The following ATP8B1 variants were observed in gnomAD, a reference collection of about 807,000 sequenced individuals.
ATP8B1 encodes the protein phospholipid-transporting ATPase IC.
In ATP8B1, 80 loss-of-function variants were observed where a neutral mutation model predicts 149.9. That is an observed-to-expected ratio of 0.53 (90% CI 0.45 to 0.64). The LOEUF (loss-of-function observed/expected upper bound fraction) is 0.64. Among genes scored for constraint, ATP8B1 ranks in the 30% least tolerant of loss-of-function variants. The pLI is 0.00. For synonymous variants in ATP8B1, 536 were observed against 562.8 expected (o/e 0.95, Z 0.67); for missense variants, 1,247 against 1,552.6 (o/e 0.80, Z 3.31).
chr18:57,683,362 A>G (rs1381479145), intron 15 of ATP8B1, among the ~76,000 whole-genome samples: 1 of 152,230 alleles, frequency 6.6e-6, no homozygotes, highest in East Asian at 1.9e-4. Context: ...ATGTGTGTCT[A>G]TATAATTTAT....
chr18:57,704,177 AG>A (rs1277688239), intron 4 of ATP8B1, among the ~76,000 whole-genome samples: 1 of 152,194 alleles, frequency 6.6e-6, no homozygotes, highest in African/African-American at 2.4e-5. Flanking sequence ...CATGTTAGCC[AG>A]GGTGGTCTGG....
At chr18:57,797,399 G>C (rs563244051) in intron 1 of ATP8B1, among the ~76,000 whole-genome samples, 3 of 152,190 alleles carry the variant, frequency 2.0e-5, no homozygotes, top group Non-Finnish European at 4.4e-5. Flanking sequence ...TCTCAATCAC[G>C]CTGTGGGGGA....
At chr18:57,747,453 C>CAA (rs35857076) in intron 1 of ATP8B1, among the ~76,000 whole-genome samples, 10 of 136,120 alleles carry the variant, frequency 7.3e-5, no homozygotes, top group African/African-American at 2.4e-4. Context: ...AACTCTATCT[C>CAA]AAAAAAAAAA....
chr18:57,782,801 C>CTTT (rs1337164844), intron 1 of ATP8B1, among the ~76,000 whole-genome samples: 2 of 63,028 alleles, frequency 3.2e-5, no homozygotes, highest in African/African-American at 6.9e-5. Flanking sequence ...TCTAGTTTGT[C>CTTT]TCTTTTTTTT....
intron 6 of ATP8B1, among the ~76,000 whole-genome samples, chr18:57,699,583 G>A (rs1599130074): frequency 6.6e-6 from 1 of 152,256 alleles, no homozygotes; most frequent in South Asian, 2.1e-4. Flanking sequence ...AATTAGCCAG[G>A]TGCAGTGGCG....
chr18:57,655,450 A>G, intron 22 of ATP8B1, 33 bp from the exon 23 acceptor site: 1 of 1,591,200 alleles, frequency 6.3e-7, no homozygotes, highest in African/African-American at 1.3e-5. Flanking sequence ...ACTGTGGATC[A>G]TAAACCGATT....
At chr18:57,786,756 C>T (rs6566900) in intron 1 of ATP8B1, among the ~76,000 whole-genome samples, 3,100 of 152,336 alleles carry the variant, frequency 0.02, 110 homozygotes, top group African/African-American at 0.069. Flanking sequence ...GCTGGGATTA[C>T]AGGCGTGAGC....
intron 1 of ATP8B1, among the ~76,000 whole-genome samples, chr18:57,799,895 G>A (rs1022963691): frequency 1.3e-5 from 2 of 152,104 alleles, no homozygotes; most frequent in Non-Finnish European, 2.9e-5. Flanking sequence ...AGCTGGGCAT[G>A]GGAATGGGGA....
At position 57,684,093 on chromosome 18, in the gene ATP8B1, G is replaced by C. The variant is rs770257115; in HGVS notation, c.1573C>G (p.Arg525Gly). The C allele has an allele frequency of 6.2e-7, 1 of 1,614,094 alleles. No individual in the cohort carries two copies. Among genetic ancestry groups the C allele is most frequent in the Non-Finnish European group, 8.5e-7 (1 of 1,180,020 alleles). ...QIQSGKEPEV[R>G]QFFFLLAVCH... ...ACTGCGAGCAAGAAGAAGAACTGTC[G>C]TACTTCTGGCTCTTTCCCTGACTGG... The change falls in exon 15 of 28, where the codon CGA becomes GGA. Residue 525 changes from arginine (R) to glycine (G), a missense_variant. Coordinates refer to ENST00000648908, the MANE Select transcript of ATP8B1 (RefSeq NM_001374385.1).
chr18:57,798,042 G>A (rs1409847575), intron 1 of ATP8B1, among the ~76,000 whole-genome samples: 1 of 152,038 alleles, frequency 6.6e-6, no homozygotes, highest in Non-Finnish European at 1.5e-5. Context: ...ACCCAACTCA[G>A]GCCCTCTGTG....
At chr18:57,683,189 A>C (rs941841356) in intron 15 of ATP8B1, among the ~76,000 whole-genome samples, 3 of 152,190 alleles carry the variant, frequency 2.0e-5, no homozygotes, top group Non-Finnish European at 4.4e-5. Context: ...TACATATGAA[A>C]CATTAAGGTT....
intron 1 of ATP8B1, among the ~76,000 whole-genome samples, chr18:57,735,967 G>GCCCCCCCCCCCCC (rs59140378): frequency 5.2e-5 from 7 of 134,336 alleles, no homozygotes; most frequent in African/African-American, 1.4e-4. Flanking sequence ...CCCATTCCTT[G>GCCCCCCCCCCCCC]CCCCCCCCAC....
chr18:57,653,460 T>C (rs952227359), intron 24 of ATP8B1, among the ~76,000 whole-genome samples: 1 of 151,724 alleles, frequency 6.6e-6, no homozygotes, highest in Admixed American at 6.6e-5. Context: ...AATTTTTAAA[T>C]TTTTCTGTAG....
chr18:57,698,348 T>A (rs1481278321), intron 6 of ATP8B1, among the ~76,000 whole-genome samples: 1 of 121,406 alleles, frequency 8.2e-6, no homozygotes, highest in Non-Finnish European at 1.6e-5. Flanking sequence ...TATTTATTAA[T>A]TTTTTTTTTC....
intron 11 of ATP8B1, among the ~76,000 whole-genome samples, chr18:57,692,950 C>T (rs1209330905): frequency 6.6e-6 from 1 of 152,094 alleles, no homozygotes; most frequent in Non-Finnish European, 1.5e-5. Context: ...ATAAAATTTC[C>T]AGAGACAAAT....
rs183506235 is a variant in ATP8B1 at position 57,659,376 on chromosome 18, A to G, written c.2707+1798T>C. On this transcript the variant is annotated intron_variant, in intron 22 of 27. Coordinates refer to ENST00000648908, the MANE Select transcript of ATP8B1 (RefSeq NM_001374385.1). Reference sequence around the variant, plus strand: ...AGATTATCTACATTGACTTTGTGCAATCCCTCTCATTATGTATTGGTGAAC... The same window carrying G: ...AGATTATCTACATTGACTTTGTGCAGTCCCTCTCATTATGTATTGGTGAAC... Among the ~76,000 whole-genome samples, 15 of 152,276 alleles carry G rather than the reference A, an allele frequency of 9.9e-5. 1 individual carries two copies. In the East Asian group the frequency reaches 2.5e-3, roughly 25 times the overall value.
At chr18:57,750,917 G>A (rs185180337) in intron 1 of ATP8B1, among the ~76,000 whole-genome samples, 12 of 152,104 alleles carry the variant, frequency 7.9e-5, no homozygotes, top group African/African-American at 1.9e-4. Context: ...CCAGGACTTC[G>A]AGACCAGCCT....
At chr18:57,676,318 C>T (rs1389971173) in intron 15 of ATP8B1, among the ~76,000 whole-genome samples, 3 of 151,806 alleles carry the variant, frequency 2.0e-5, no homozygotes, top group African/African-American at 7.3e-5. Flanking sequence ...CACATCACCA[C>T]GCCCAGCTAA....
intron 14 of ATP8B1, 22 bp from the exon 15 acceptor site, chr18:57,684,214 A>G (rs1912123352): frequency 6.2e-7 from 1 of 1,606,850 alleles, no homozygotes; most frequent in Non-Finnish European, 8.5e-7. Context: ...GGAGAAAAAC[A>G]AAATATGATT....
Sources: gnomAD v4.1 joint callset for allele counts (sites outside exome capture counted in the v4.1 genomes callset) on GRCh38, gnomAD v4.1.1 for gene constraint, MANE v1.5 for transcripts, NCBI Gene and HGNC (gene_info 2026-07-23, HGNC 2026-07-21) for gene names.